SLC25A48: variants seen among roughly 807,000 people sequenced by gnomAD.
SLC25A48 encodes the protein solute carrier family 25 member 48.
SLC25A48 carries 29 observed loss-of-function variants against 32.2 expected under a neutral mutation model. That is an observed-to-expected ratio of 0.90 (90% CI 0.67 to 1.23). The LOEUF is 1.23. Among genes scored for constraint, SLC25A48 ranks in the 50% most tolerant of loss-of-function variants. The probability of loss-of-function intolerance (pLI) is 0.00; values close to 1 mark genes in which losing one functional copy is unlikely to be tolerated. For synonymous variants in SLC25A48, 164 were observed against 172.3 expected (o/e 0.95, Z 0.38); for missense variants, 399 against 422.7 (o/e 0.94, Z 0.49).
At chr5:135,739,324 C>A (rs1363087119) in intron 3 of SLC25A48, among the ~76,000 whole-genome samples, 1 of 152,082 alleles carries the variant, frequency 6.6e-6, no homozygotes, top group East Asian at 1.9e-4. Context: ...TCACTTTGTA[C>A]CCCAGGCTGG....
At chr5:135,712,151 C>G (rs1312870191) in intron 3 of SLC25A48, among the ~76,000 whole-genome samples, 1 of 152,174 alleles carries the variant, frequency 6.6e-6, no homozygotes, top group African/African-American at 2.4e-5. Context: ...CAGGCACACC[C>G]TACTGTTTTT....
chr5:135,759,219 G>A (rs889016736), intron 3 of SLC25A48, among the ~76,000 whole-genome samples: 1 of 152,052 alleles, frequency 6.6e-6, no homozygotes, highest in Non-Finnish European at 1.5e-5. Context: ...TATGATATCT[G>A]TGTGTGTATA....
At chr5:135,646,659 T>TTATATA (rs34299516) in intron 3 of SLC25A48, among the ~76,000 whole-genome samples, 24 of 125,394 alleles carry the variant, frequency 1.9e-4, no homozygotes, top group South Asian at 7.7e-4. Flanking sequence ...TAATTTCCCA[T>TTATATA]TATATATATA....
At chr5:135,790,959 G>T (rs1206443954) in intron 3 of SLC25A48, among the ~76,000 whole-genome samples, 1 of 140,258 alleles carries the variant, frequency 7.1e-6, no homozygotes, top group Non-Finnish European at 1.6e-5. Context: ...TGTACATTAT[G>T]TGTGAATACC....
intron 4 of SLC25A48, among the ~76,000 whole-genome samples, chr5:135,857,463 C>T (rs940278432): frequency 9.9e-5 from 15 of 152,216 alleles, no homozygotes; most frequent in Non-Finnish European, 1.9e-4. Flanking sequence ...TACTGTCCAC[C>T]CATCACCTTC....
In SLC25A48 at chr5:135,691,831, T is replaced by C. The variant is rs138656820; in HGVS notation, c.-521+56875T>C. On this transcript the variant is annotated intron_variant, in intron 3 of 10. Coordinates refer to the SLC25A48 transcript ENST00000646290. ...AGATTAGGTAGATGAGTGCTGAGCA[T>C]GGGACACGGACTCTGACACAGTTGC... Among the ~76,000 whole-genome samples the C allele has an allele frequency of 5.9e-3, 903 of 152,236 alleles. 11 individuals are homozygous for C. The highest frequency in any genetic ancestry group is 0.02 in the African/African-American group (822 of 41,530).
chr5:135,792,193 G>A (rs1303806247), intron 3 of SLC25A48, among the ~76,000 whole-genome samples: 4 of 151,692 alleles, frequency 2.6e-5, no homozygotes, highest in Admixed American at 1.3e-4. Flanking sequence ...TGTGTACACC[G>A]CTGCGTTATG....
intron 3 of SLC25A48, chr5:135,649,087 G>A (rs1372601600): frequency 1.3e-5 from 2 of 152,268 alleles, no homozygotes; most frequent in East Asian, 1.9e-4. Context: ...GGAGCCATGC[G>A]ACTCAGTGAG....
At chr5:135,759,622 TC>T (rs1458305930) in intron 3 of SLC25A48, among the ~76,000 whole-genome samples, 1 of 151,884 alleles carries the variant, frequency 6.6e-6, no homozygotes, top group Admixed American at 6.6e-5. Flanking sequence ...TCTTGTCCCT[TC>T]CCCCTGCCAC....
intron 3 of SLC25A48, among the ~76,000 whole-genome samples, chr5:135,737,770 C>A (rs1015950312): frequency 3.3e-5 from 5 of 152,126 alleles, no homozygotes; most frequent in African/African-American, 1.2e-4. Flanking sequence ...AAGTGCTGCA[C>A]CTCCGGGTCA....
chr5:135,787,009 T>C (rs1756864743), intron 3 of SLC25A48, among the ~76,000 whole-genome samples: 1 of 152,088 alleles, frequency 6.6e-6, no homozygotes, highest in Non-Finnish European at 1.5e-5. Context: ...ATATTATTTG[T>C]ACTCTCCTAG....
At position 135,763,760 on chromosome 5, in the gene SLC25A48, C is replaced by CACACACACACAA. The variant is rs1561481073; in HGVS notation, c.-520-48760_-520-48759insCACACACAAACA. ...AGGAAACCGGAGAAATAGGAACACA[C>CACACACACACAA]ACATACACACACACACACACACACA... is the stretch of plus-strand genomic sequence containing the variant. On this transcript the variant is annotated intron_variant, in intron 3 of 10. Coordinates refer to the SLC25A48 transcript ENST00000646290. Among the ~76,000 whole-genome samples the CACACACACACAA allele has an allele frequency of 1.1e-4, 10 of 88,600 alleles. No homozygotes were observed. The South Asian group carries it at 4.2e-3, about 37-fold the overall frequency. 58.1% of individuals were successfully genotyped at this position (88,600 alleles called of 152,430 possible).
rs368344615 is a variant in SLC25A48 at position 135,783,159 on chromosome 5, T to C, written c.-520-29364T>C. Among the ~76,000 whole-genome samples, 117 of 120,460 alleles carry C rather than the reference T, an allele frequency of 9.7e-4. 13 individuals carry two copies. Among genetic ancestry groups the C allele is most frequent in the African/African-American group, 2.7e-3 (108 of 39,628 alleles). The allele number at this position is 120,460 out of a possible 152,430, so 79.0% of individuals were successfully genotyped here. A position where few individuals can be genotyped will look rare whatever the true frequency, so the allele number is the denominator to read the frequency against. On this transcript the variant is annotated intron_variant, in intron 3 of 10. Transcript: ENST00000646290. The stretch of plus-strand genomic sequence containing the variant: ...TCAGAAGATGATATTACCCCCAATA[T>C]CGCACAGGGCGTACACTTTCCTTGT...
intron 2 of SLC25A48, among the ~76,000 whole-genome samples, chr5:135,843,096 G>GCCT (rs1187673182): frequency 2.6e-5 from 4 of 152,282 alleles, no homozygotes; most frequent in Admixed American, 6.5e-5. Flanking sequence ...CTAGGTCAGG[G>GCCT]CCCATGCTCA....
intron 3 of SLC25A48, among the ~76,000 whole-genome samples, chr5:135,694,078 C>T (rs1754211092): frequency 6.6e-6 from 1 of 152,206 alleles, no homozygotes; most frequent in Admixed American, 6.5e-5. Flanking sequence ...CCAGGGGTGT[C>T]TTCCTAGACA....
intron 1 of SLC25A48, among the ~76,000 whole-genome samples, chr5:135,603,936 C>G (rs957484649): frequency 1.3e-5 from 2 of 152,130 alleles, no homozygotes; most frequent in African/African-American, 4.8e-5. Context: ...TTCCCCTGCC[C>G]CCTTCCCAGG....
intron 3 of SLC25A48, among the ~76,000 whole-genome samples, chr5:135,683,684 C>T (rs909582591): frequency 2.6e-5 from 4 of 152,186 alleles, no homozygotes; most frequent in African/African-American, 4.8e-5. Flanking sequence ...ATCCCACCAT[C>T]GTCAAACTGC....
intron 3 of SLC25A48, among the ~76,000 whole-genome samples, chr5:135,684,607 G>T (rs961104526): frequency 3.3e-5 from 5 of 152,166 alleles, no homozygotes; most frequent in Non-Finnish European, 7.3e-5. Context: ...TCAGCCATGG[G>T]TAACTCCTGG....
At chr5:135,807,519 A>C (rs1757490446) in intron 3 of SLC25A48, among the ~76,000 whole-genome samples, 1 of 150,582 alleles carries the variant, frequency 6.6e-6, no homozygotes, top group Non-Finnish European at 1.5e-5. Flanking sequence ...ATTTATTATT[A>C]GTATCACAGG....
Sources: allele counts gnomAD v4.1 joint callset (sites outside exome capture counted in the v4.1 genomes callset), GRCh38; gene constraint gnomAD v4.1.1; transcripts MANE v1.5; gene names NCBI Gene and HGNC (gene_info 2026-07-23, HGNC 2026-07-21).